The following CPED1 variants were observed in gnomAD, a reference collection of about 807,000 sequenced individuals.
CPED1 encodes the protein cadherin like and PC-esterase domain containing 1.
CPED1 carries 114 observed loss-of-function variants against 128.2 expected under a neutral mutation model. That is an observed-to-expected ratio of 0.89 (90% CI 0.76 to 1.04). The LOEUF (loss-of-function observed/expected upper bound fraction) is 1.04. Ranked by LOEUF, CPED1 falls within the 50% of genes least tolerant of loss-of-function variation. The probability of loss-of-function intolerance (pLI) is 0.00; values close to 1 mark genes in which losing one functional copy is unlikely to be tolerated. For missense variants in CPED1, 1,211 were observed against 1,207.1 expected, an observed-to-expected ratio of 1.00 and a Z score of -0.05; for synonymous variants, 462 against 426.7, an observed-to-expected ratio of 1.08 and a Z score of -1.02.
intron 16 of CPED1, among the ~76,000 whole-genome samples, chr7:121,236,297 ATCATGAAT>A (rs1268849358): frequency 6.6e-6 from 1 of 152,186 alleles, no homozygotes; most frequent in Non-Finnish European, 1.5e-5. Context: ...ACTCTGGTGT[ATCATGAAT>A]TCTTAATAAA....
chr7:121,176,815 G>C (rs888010708), intron 16 of CPED1, among the ~76,000 whole-genome samples: 1 of 152,028 alleles, frequency 6.6e-6, no homozygotes, highest in African/African-American at 2.4e-5. Context: ...TTTTGAAAAG[G>C]ACCAAGGCAA....
At chr7:121,046,260 T>C (rs1447529430) in intron 3 of CPED1, among the ~76,000 whole-genome samples, 9 of 152,198 alleles carry the variant, frequency 5.9e-5, no homozygotes, top group Non-Finnish European at 1.3e-4. Context: ...TTATACTCCA[T>C]AGTTTGAACT....
chr7:121,223,288 T>G (rs1445442506), intron 16 of CPED1, among the ~76,000 whole-genome samples: 1 of 152,238 alleles, frequency 6.6e-6, no homozygotes, highest in Non-Finnish European at 1.5e-5. Flanking sequence ...GAACCAGCCT[T>G]GCATCCCAGG....
chr7:121,199,393 C>T (rs1917116), intron 16 of CPED1, among the ~76,000 whole-genome samples: 149,228 of 152,134 alleles, frequency 0.98, 73,248 homozygotes, highest in Middle Eastern at 1. Context: ...AAAATACAAA[C>T]ATAGGGCTGA....
intron 4 of CPED1, among the ~76,000 whole-genome samples, chr7:121,055,630 T>G (rs1181573124): frequency 6.6e-6 from 1 of 150,850 alleles, no homozygotes; most frequent in Non-Finnish European, 1.5e-5. Flanking sequence ...AATATAATTA[T>G]ACATTCATAT....
intron 4 of CPED1, among the ~76,000 whole-genome samples, chr7:121,059,541 A>G (rs934691244): frequency 6.6e-6 from 1 of 152,230 alleles, no homozygotes; most frequent in African/African-American, 2.4e-5. Flanking sequence ...GGAACAATAA[A>G]AAAAATCAGT....
intron 22 of CPED1, among the ~76,000 whole-genome samples, chr7:121,290,027 A>G (rs1201116051): frequency 1.3e-5 from 2 of 151,458 alleles, no homozygotes; most frequent in East Asian, 1.9e-4. Flanking sequence ...TCATCGTTCA[A>G]CTCCCACTTA....
At chr7:121,122,130 C>G (rs1795405493) in intron 7 of CPED1, among the ~76,000 whole-genome samples, 1 of 144,786 alleles carries the variant, frequency 6.9e-6, no homozygotes, top group Non-Finnish European at 1.5e-5. Context: ...AGAAATCACA[C>G]TCATCTGGAT....
At chr7:121,221,032 A>G (rs1376417236) in intron 16 of CPED1, among the ~76,000 whole-genome samples, 1 of 152,008 alleles carries the variant, frequency 6.6e-6, no homozygotes, top group Non-Finnish European at 1.5e-5. Flanking sequence ...GGTTTGATAC[A>G]TAGGTATATG....
At chr7:121,163,141 C>T (rs1351575978) in intron 16 of CPED1, among the ~76,000 whole-genome samples, 2 of 152,182 alleles carry the variant, frequency 1.3e-5, no homozygotes, top group South Asian at 4.1e-4. Context: ...CTCAACTCTC[C>T]TCATGGACTC....
At chr7:121,060,166 C>T (rs973646219) in intron 4 of CPED1, among the ~76,000 whole-genome samples, 1 of 152,208 alleles carries the variant, frequency 6.6e-6, no homozygotes. Context: ...AGCCCAGTGG[C>T]GCTGTGCTCG....
At chr7:121,289,386 C>T (rs1192637404) in intron 22 of CPED1, among the ~76,000 whole-genome samples, 1 of 152,028 alleles carries the variant, frequency 6.6e-6, no homozygotes, top group Admixed American at 6.6e-5. Flanking sequence ...AAAAATCAAG[C>T]CCAAAGTTAC....
chr7:121,015,938 T>C, intron 3 of CPED1, 90 bp downstream of exon 3: 1 of 986,496 alleles, frequency 1.0e-6, no homozygotes, highest in Non-Finnish European at 1.3e-6. Context: ...TCTAAAAAAA[T>C]TTATAAAAAC....
chr7:121,004,096 G>T (rs796572354), intron 2 of CPED1, among the ~76,000 whole-genome samples: 2 of 152,096 alleles, frequency 1.3e-5, no homozygotes, highest in African/African-American at 2.4e-5. Flanking sequence ...AAGTGGAGCC[G>T]ATCTTTACTG....
chr7:121,189,111 G>A (rs1314076089), intron 16 of CPED1, among the ~76,000 whole-genome samples: 1 of 152,046 alleles, frequency 6.6e-6, no homozygotes, highest in Non-Finnish European at 1.5e-5. Flanking sequence ...ATCACATAAT[G>A]GTGTTCCATT....
chr7:121,125,125 T>C (rs1230900805), intron 8 of CPED1, among the ~76,000 whole-genome samples: 1 of 152,184 alleles, frequency 6.6e-6, no homozygotes, highest in African/African-American at 2.4e-5. Context: ...TAGGTATATT[T>C]TTATTTTCTA....
chr7:121,084,280 C>T (rs565562184), intron 5 of CPED1, among the ~76,000 whole-genome samples: 78 of 152,228 alleles, frequency 5.1e-4, no homozygotes, highest in African/African-American at 1.7e-3. Flanking sequence ...ATCTATAACT[C>T]GCCTATCCAC....
At chr7:121,039,618 CAGACA>C (rs1054117135) in intron 3 of CPED1, among the ~76,000 whole-genome samples, 1 of 152,030 alleles carries the variant, frequency 6.6e-6, no homozygotes, top group African/African-American at 2.4e-5. Flanking sequence ...TTGTCCCAGA[CAGACA>C]ATAGTCTTGA....
chr7:121,181,691 A>G (rs997146602), intron 16 of CPED1, among the ~76,000 whole-genome samples: 1 of 152,086 alleles, frequency 6.6e-6, no homozygotes, highest in Non-Finnish European at 1.5e-5. Flanking sequence ...ATTTTAGTCA[A>G]CCTTTAGTAA....
Sources: allele counts gnomAD v4.1 joint callset (sites outside exome capture counted in the v4.1 genomes callset), GRCh38; gene constraint gnomAD v4.1.1; transcripts MANE v1.5; gene names NCBI Gene and HGNC (gene_info 2026-07-23, HGNC 2026-07-21).